Variants in TMEM232 observed in about 807,000 individuals in gnomAD.
TMEM232 encodes transmembrane protein 232.
A neutral mutation model predicts 78.8 loss-of-function variants in TMEM232; 80 were observed. That is an observed-to-expected ratio of 1.01 (90% CI 0.85 to 1.22). The LOEUF is 1.22. Ranked by LOEUF, TMEM232 falls within the 50% of genes most tolerant of loss-of-function variation. TMEM232 has a pLI of 0.00. For missense variants in TMEM232, 881 were observed against 742.2 expected, an observed-to-expected ratio of 1.19 and a Z score of -2.17; for synonymous variants, 297 against 254.3, an observed-to-expected ratio of 1.17 and a Z score of -1.60.
At chr5:110,623,986 G>A (rs142154793) in intron 7 of TMEM232, among the ~76,000 whole-genome samples, 30 of 152,220 alleles carry the variant, frequency 2.0e-4, no homozygotes, top group African/African-American at 7.0e-4. Context: ...GAGCTGTACA[G>A]CAGTAAGCTT....
At chr5:110,505,874 CTTTT>C (rs1402788096) in intron 12 of TMEM232, among the ~76,000 whole-genome samples, 1 of 152,092 alleles carries the variant, frequency 6.6e-6, no homozygotes, top group African/African-American at 2.4e-5. Context: ...TATTTCCTTT[CTTTT>C]TTGTTATTTT....
intron 7 of TMEM232, among the ~76,000 whole-genome samples, chr5:110,623,136 A>C (rs541626493): frequency 6.6e-6 from 1 of 152,254 alleles, no homozygotes; most frequent in East Asian, 1.9e-4. Context: ...AGTCAATGGA[A>C]ACCCTGTGTC....
At chr5:110,586,611 T>TGTA (rs1778847438) in intron 10 of TMEM232, among the ~76,000 whole-genome samples, 1 of 151,782 alleles carries the variant, frequency 6.6e-6, no homozygotes, top group Non-Finnish European at 1.5e-5. Context: ...CATACAAATG[T>TGTA]ATCTCAAGAT....
intron 2 of TMEM232, among the ~76,000 whole-genome samples, chr5:110,398,528 A>C (rs575769411): frequency 6.6e-6 from 1 of 152,256 alleles, no homozygotes; most frequent in Admixed American, 6.5e-5. Flanking sequence ...ACAGATCTGC[A>C]TAGGCCACCC....
intron 1 of TMEM232, among the ~76,000 whole-genome samples, chr5:110,694,540 G>A (rs1794530559): frequency 6.6e-6 from 1 of 152,144 alleles, no homozygotes; most frequent in Admixed American, 6.5e-5. Flanking sequence ...ACCCATCAGT[G>A]TGCTGTATTC....
At position 110,693,025 on chromosome 5, in the gene TMEM232, C is replaced by A. The variant is rs561221316; in HGVS notation, c.-12-25661G>T. Reference sequence around the variant, plus strand: ...TGCCTCCTCAAGTGGGTCCCTGACCCCCGAGTAGCCTAACTGGGAAGCACC... The same window carrying A: ...TGCCTCCTCAAGTGGGTCCCTGACCACCGAGTAGCCTAACTGGGAAGCACC... On this transcript the variant is annotated intron_variant, in intron 1 of 13. Transcript: ENST00000455884. 4.6e-5 allele frequency among the ~76,000 whole-genome samples: 7 copies of A among 152,308 alleles called. No homozygotes were observed. The South Asian group carries it at 6.2e-4, about 14-fold the overall frequency.
chr5:110,542,083 C>T (rs1003127043), intron 11 of TMEM232, among the ~76,000 whole-genome samples: 3 of 152,122 alleles, frequency 2.0e-5, no homozygotes, highest in East Asian at 1.9e-4. Flanking sequence ...CCTGAAGCCC[C>T]GGACCTGGAA....
chr5:110,503,081 C>T (rs1766450766), intron 12 of TMEM232, among the ~76,000 whole-genome samples: 1 of 151,664 alleles, frequency 6.6e-6, no homozygotes, highest in South Asian at 2.1e-4. Context: ...TGGTGCCTAG[C>T]CTACAGAAGA....
At chr5:110,649,843 T>C (rs528334053) in intron 2 of TMEM232, among the ~76,000 whole-genome samples, 259 of 152,266 alleles carry the variant, frequency 1.7e-3, no homozygotes, top group African/African-American at 5.7e-3. Context: ...AATATAGTTA[T>C]AGTGGTTATG....
At chr5:110,601,108 C>A (rs1780826016) in intron 10 of TMEM232, among the ~76,000 whole-genome samples, 1 of 152,052 alleles carries the variant, frequency 6.6e-6, no homozygotes, top group Admixed American at 6.6e-5. Flanking sequence ...AATTCAACAC[C>A]CTTAATGCTA....
At chr5:110,399,133 G>GAAA (rs536042524) in intron 2 of TMEM232, among the ~76,000 whole-genome samples, 4 of 146,096 alleles carry the variant, frequency 2.7e-5, no homozygotes, top group Non-Finnish European at 4.5e-5. Context: ...ATCTAAACTA[G>GAAA]AAAAAAAAAA....
At chr5:110,625,120 T>A in intron 7 of TMEM232, 147 bp downstream of exon 7, 1 of 802,594 alleles carries the variant, frequency 1.2e-6, no homozygotes, top group Non-Finnish European at 1.7e-6. Context: ...TTGCATGAAA[T>A]TCGTATCTTT....
chr5:110,563,890 A>G (rs1366322311), intron 11 of TMEM232, among the ~76,000 whole-genome samples: 1 of 152,040 alleles, frequency 6.6e-6, no homozygotes, highest in African/African-American at 2.4e-5. Flanking sequence ...TCTTTTTCCA[A>G]GAAAAAAATA....
At chr5:110,575,602 A>G (rs1376035717) in intron 10 of TMEM232, among the ~76,000 whole-genome samples, 2 of 152,062 alleles carry the variant, frequency 1.3e-5, no homozygotes, top group East Asian at 3.9e-4. Context: ...GCACCTTCAA[A>G]TGAACCATTC....
chr5:110,548,341 T>C (rs968743230), intron 11 of TMEM232, among the ~76,000 whole-genome samples: 1 of 149,276 alleles, frequency 6.7e-6, no homozygotes, highest in South Asian at 2.1e-4. Flanking sequence ...TTAAATATTA[T>C]TAATCATTAA....
intron 1 of TMEM232, among the ~76,000 whole-genome samples, chr5:110,680,396 C>CAAAAAA (rs1189611727): frequency 8.5e-4 from 21 of 24,604 alleles, no homozygotes; most frequent in East Asian, 2.8e-3. Flanking sequence ...GACTCTATCT[C>CAAAAAA]AAAAAAAAAA....
intron 1 of TMEM232, among the ~76,000 whole-genome samples, chr5:110,692,657 C>G (rs750778097): frequency 5.3e-5 from 8 of 152,212 alleles, no homozygotes; most frequent in Non-Finnish European, 1.2e-4. Context: ...GATTATATCT[C>G]ACACCTGGCG....
chr5:110,658,136 T>C (rs1789334942), intron 2 of TMEM232, among the ~76,000 whole-genome samples: 1 of 152,116 alleles, frequency 6.6e-6, no homozygotes, highest in Non-Finnish European at 1.5e-5. Flanking sequence ...TATGAATACC[T>C]CCCTTGAATT....
At chr5:110,737,120 T>C (rs1263593188) in intron 1 of TMEM232, among the ~76,000 whole-genome samples, 1 of 152,106 alleles carries the variant, frequency 6.6e-6, no homozygotes, top group Non-Finnish European at 1.5e-5. Flanking sequence ...TTTGTCTCCC[T>C]AAACTAGAAT....
Sources: gnomAD v4.1 joint callset for allele counts (sites outside exome capture counted in the v4.1 genomes callset) on GRCh38, gnomAD v4.1.1 for gene constraint, MANE v1.5 for transcripts, NCBI Gene and HGNC (gene_info 2026-07-23, HGNC 2026-07-21) for gene names.